Variants in MAGI3 observed in about 807,000 individuals in gnomAD.
MAGI3 encodes membrane associated guanylate kinase, WW and PDZ domain containing 3, also known as membrane-associated guanylate kinase, WW and PDZ domain-containing protein 3.
Under a neutral mutation model 121.8 loss-of-function variants are expected in MAGI3, and 43 were observed. That is an observed-to-expected ratio of 0.35 (90% CI 0.28 to 0.46). MAGI3 has a LOEUF of 0.46. MAGI3 is among the 20% of genes least tolerant of loss of function. The probability of loss-of-function intolerance (pLI) is 1.00; values close to 1 mark genes in which losing one functional copy is unlikely to be tolerated. For synonymous variants in MAGI3, 553 were observed against 639.3 expected (o/e 0.86, Z 2.04); for missense variants, 1,547 against 1,797.3 (o/e 0.86, Z 2.52).
intron 1 of MAGI3, among the ~76,000 whole-genome samples, chr1:113,443,667 A>G (rs941416737): frequency 2.6e-5 from 4 of 152,154 alleles, no homozygotes; most frequent in Non-Finnish European, 5.9e-5. Flanking sequence ...TTAGTTTGCA[A>G]CTTTTCTTTT....
intron 1 of MAGI3, among the ~76,000 whole-genome samples, chr1:113,419,149 T>C (rs1387558883): frequency 1.3e-5 from 2 of 152,118 alleles, no homozygotes; most frequent in Non-Finnish European, 2.9e-5. Context: ...AGGGGGCCCA[T>C]TTTTAGGAAA....
rs550982548 is a variant in MAGI3 at position 113,554,050 on chromosome 1, A to G, written c.433+4419A>G. 7.2e-4 allele frequency among the ~76,000 whole-genome samples: 110 copies of G among 152,208 alleles called. 1 individual carries two copies. Among genetic ancestry groups the G allele is most frequent in the Non-Finnish European group, 1.4e-3 (93 of 68,036 alleles). ...AATAGAAAGACAACAAAATGGAAACATTGTGTAACAAAATATTCAGAGTGT... is the reference window on the plus strand; with the variant it reads ...AATAGAAAGACAACAAAATGGAAACGTTGTGTAACAAAATATTCAGAGTGT... On this transcript the variant is annotated intron_variant, in intron 2 of 20. Transcript: ENST00000307546.
At chr1:113,640,178 A>G (rs1015197612) in intron 9 of MAGI3, among the ~76,000 whole-genome samples, 1 of 133,352 alleles carries the variant, frequency 7.5e-6, no homozygotes, top group African/African-American at 2.5e-5. Flanking sequence ...AATGACAGTG[A>G]GATATCATCT....
In MAGI3 at chr1:113,651,219, G is replaced by T; in HGVS notation, c.2440+13G>T. On this transcript the variant is annotated intron_variant, in intron 14 of 20. Coordinates refer to ENST00000307546, the MANE Select transcript of MAGI3 (RefSeq NM_001142782.2). Reference sequence around the variant, plus strand: ...ATCTTCTATGGAGGTGTGTGAACTTGTTCCTGCTCTGAAAAGTTAAAAAAG... The same window carrying T: ...ATCTTCTATGGAGGTGTGTGAACTTTTTCCTGCTCTGAAAAGTTAAAAAAG... The T allele has an allele frequency of 6.3e-7, 1 of 1,585,462 alleles. No individual in the cohort carries two copies. The highest frequency in any genetic ancestry group is 1.4e-5 in the African/African-American group (1 of 73,294).
At chr1:113,404,639 A>G (rs892217976) in intron 1 of MAGI3, among the ~76,000 whole-genome samples, 1 of 152,140 alleles carries the variant, frequency 6.6e-6, no homozygotes, top group African/African-American at 2.4e-5. Context: ...TTTCCTGAAC[A>G]TATCACACTG....
intron 1 of MAGI3, among the ~76,000 whole-genome samples, chr1:113,478,810 A>C (rs868858816): frequency 2.5e-4 from 38 of 152,348 alleles, no homozygotes; most frequent in Admixed American, 4.6e-4. Flanking sequence ...TTAAGTCTGC[A>C]GACGTTTTCT....
chr1:113,512,084 AT>A, intron 1 of MAGI3, among the ~76,000 whole-genome samples: 1 of 152,126 alleles, frequency 6.6e-6, no homozygotes, highest in East Asian at 1.9e-4. Flanking sequence ...AAATGCCAAC[AT>A]TTTTTTCACA....
chr1:113,569,503 C>G (rs1184710682), intron 2 of MAGI3, among the ~76,000 whole-genome samples: 1 of 151,966 alleles, frequency 6.6e-6, no homozygotes, highest in African/African-American at 2.4e-5. Flanking sequence ...TGTTAGTGTT[C>G]TAGTTACAAA....
chr1:113,556,995 A>G (rs72986649), intron 2 of MAGI3, among the ~76,000 whole-genome samples: 3,332 of 152,316 alleles, frequency 0.022, 126 homozygotes, highest in African/African-American at 0.076. Context: ...AAAATCCTCT[A>G]TCTATTAAAG....
At chr1:113,633,027 A>G (rs1289561441) in intron 9 of MAGI3, among the ~76,000 whole-genome samples, 2 of 145,754 alleles carry the variant, frequency 1.4e-5, no homozygotes, top group Non-Finnish European at 3.0e-5. Context: ...AGCATTAGGT[A>G]TATCTCCTAA....
At chr1:113,573,972 T>C (rs1647466415) in intron 2 of MAGI3, among the ~76,000 whole-genome samples, 1 of 152,210 alleles carries the variant, frequency 6.6e-6, no homozygotes, top group Non-Finnish European at 1.5e-5. Context: ...TTGATCTTTG[T>C]TGGTTTAAAG....
intron 1 of MAGI3, among the ~76,000 whole-genome samples, chr1:113,425,305 C>T (rs1225271841): frequency 3.4e-5 from 3 of 88,726 alleles, no homozygotes; most frequent in South Asian, 4.2e-4. Flanking sequence ...TTTTTTGAGA[C>T]GGAGCCTTGC....
intron 9 of MAGI3, among the ~76,000 whole-genome samples, chr1:113,630,049 C>G (rs1403865409): frequency 6.6e-6 from 1 of 152,026 alleles, no homozygotes; most frequent in East Asian, 1.9e-4. Context: ...GTGAGTTTCC[C>G]CAAGCCGCGA....
At chr1:113,524,024 G>A (rs964989226) in intron 1 of MAGI3, among the ~76,000 whole-genome samples, 15 of 152,302 alleles carry the variant, frequency 9.8e-5, no homozygotes, top group African/African-American at 3.4e-4. Context: ...AAGGGGCCAA[G>A]GTACAGCTCG....
intron 1 of MAGI3, among the ~76,000 whole-genome samples, chr1:113,419,579 G>A (rs1652629167): frequency 6.6e-6 from 1 of 152,114 alleles, no homozygotes; most frequent in Non-Finnish European, 1.5e-5. Context: ...AGGGCTAGGA[G>A]GAAGAGAAAG....
intron 1 of MAGI3, among the ~76,000 whole-genome samples, chr1:113,482,532 T>G (rs190277705): frequency 4.9e-4 from 75 of 152,052 alleles, no homozygotes; most frequent in African/African-American, 1.8e-3. Flanking sequence ...AGGCGAGGTC[T>G]CACTATGTTG....
intron 1 of MAGI3, among the ~76,000 whole-genome samples, chr1:113,415,948 A>G (rs1167073137): frequency 6.7e-6 from 1 of 149,132 alleles, no homozygotes; most frequent in East Asian, 1.9e-4. Flanking sequence ...AAAGTAGCCA[A>G]ATGTTTTTGA....
chr1:113,579,046 CT>C (rs1453659542), intron 2 of MAGI3, among the ~76,000 whole-genome samples: 2 of 152,076 alleles, frequency 1.3e-5, no homozygotes, highest in Admixed American at 6.6e-5. Flanking sequence ...CATGAATTAA[CT>C]TACAGTAATA....
At position 113,391,114 on chromosome 1, in the gene MAGI3, C is replaced by A. The variant is rs1295761812; in HGVS notation, c.81C>A (p.Gly27=). 11 of 1,577,480 alleles carry A rather than the reference C, an allele frequency of 7.0e-6. No homozygotes were observed. Among genetic ancestry groups the A allele is most frequent in the African/African-American group, 1.3e-5 (1 of 74,156 alleles). ...ECAVSWAGPP[G]DFGAEIRGGA... ...CCGTGTCCTGGGCCGGGCCCCCGGG[C>A]GACTTCGGCGCGGAGATCCGCGGTG... The change falls in exon 1 of 21, where the codon GGC becomes GGA. Residue 27 remains glycine, a synonymous_variant. Coordinates refer to ENST00000307546, the MANE Select transcript of MAGI3 (RefSeq NM_001142782.2). The surrounding 1 kb of genome is among the most constrained non-coding windows in gnomAD (Gnocchi z 4.4).
Sources: gnomAD v4.1 joint callset for allele counts (sites outside exome capture counted in the v4.1 genomes callset) on GRCh38, gnomAD v4.1.1 for gene constraint, Gnocchi (gnomAD v3.1) non-coding constraint, MANE v1.5 for transcripts, NCBI Gene and HGNC (gene_info 2026-07-23, HGNC 2026-07-21) for gene names.